The following PTPRN2 variants were observed in gnomAD, a reference collection of about 807,000 sequenced individuals.
PTPRN2 encodes the protein receptor-type tyrosine-protein phosphatase N2.
Under a neutral mutation model 118.8 loss-of-function variants are expected in PTPRN2, and 74 were observed. The observed-to-expected ratio is 0.62, with a 90% CI of 0.52 to 0.76. PTPRN2 has a LOEUF of 0.76. Ranked by LOEUF, PTPRN2 falls within the 30% of genes least tolerant of loss-of-function variation. The probability of loss-of-function intolerance (pLI) is 0.00; values close to 1 mark genes in which losing one functional copy is unlikely to be tolerated. For synonymous variants in PTPRN2, 641 were observed against 608.0 expected, an observed-to-expected ratio of 1.05 and a Z score of -0.80; for missense variants, 1,481 against 1,394.4, an observed-to-expected ratio of 1.06 and a Z score of -0.99.
intron 4 of PTPRN2, among the ~76,000 whole-genome samples, chr7:158,200,590 T>C (rs1826565302): frequency 6.6e-6 from 1 of 152,210 alleles, no homozygotes; most frequent in Non-Finnish European, 1.5e-5. Context: ...AAAGTCTGTA[T>C]CCTGCAAATA....
chr7:157,599,968 T>C (rs868775556), intron 16 of PTPRN2, among the ~76,000 whole-genome samples: 444 of 38,932 alleles, frequency 0.011, 3 homozygotes, highest in African/African-American at 0.027. Context: ...TCCACCTGCC[T>C]ACCTCTCCAC....
intron 2 of PTPRN2, among the ~76,000 whole-genome samples, chr7:158,363,904 G>A (rs1413396199): frequency 6.6e-6 from 1 of 152,128 alleles, no homozygotes; most frequent in Admixed American, 6.5e-5. Flanking sequence ...TGACAGAAAA[G>A]GGGACTTCAG....
intron 2 of PTPRN2, among the ~76,000 whole-genome samples, chr7:158,409,844 G>C (rs1341929499): frequency 3.3e-5 from 5 of 152,210 alleles, no homozygotes; most frequent in Non-Finnish European, 7.3e-5. Context: ...AAAGAGCTGA[G>C]AAGATGTGTT....
chr7:157,951,161 C>T (rs993395506), intron 11 of PTPRN2, among the ~76,000 whole-genome samples: 1 of 152,184 alleles, frequency 6.6e-6, no homozygotes, highest in Non-Finnish European at 1.5e-5. Flanking sequence ...GCCTCACTCT[C>T]AGAGACAAGG....
chr7:157,656,783 G>A (rs145626198), intron 13 of PTPRN2, among the ~76,000 whole-genome samples: 1 of 151,972 alleles, frequency 6.6e-6, no homozygotes, highest in Admixed American at 6.6e-5. Flanking sequence ...GAAAAGAGAG[G>A]CCTTGCTCTC....
intron 4 of PTPRN2, among the ~76,000 whole-genome samples, chr7:158,204,820 T>A (rs1826988117): frequency 6.6e-6 from 1 of 152,222 alleles, no homozygotes; most frequent in African/African-American, 2.4e-5. Flanking sequence ...TGATAAAGAC[T>A]TTCACAATTC....
At chr7:158,171,141 CAT>C (rs1264196948) in intron 5 of PTPRN2, among the ~76,000 whole-genome samples, 1,040 of 74,868 alleles carry the variant, frequency 0.014, 69 homozygotes, top group African/African-American at 0.035. Flanking sequence ...TATATACACA[CAT>C]ATATATACAC....
chr7:158,056,319 C>T (rs547822196), intron 11 of PTPRN2, among the ~76,000 whole-genome samples: 13 of 152,310 alleles, frequency 8.5e-5, no homozygotes, highest in East Asian at 5.8e-4. Flanking sequence ...ACACAGAGGC[C>T]GGGAGCAGGG....
chr7:157,669,430 C>T (rs1389619804), intron 13 of PTPRN2: 2 of 455,182 alleles, frequency 4.4e-6, no homozygotes, highest in African/African-American at 4.0e-5. Flanking sequence ...CACGCGCACA[C>T]ACACACACAC....
At chr7:158,226,457 T>G (rs1001987068) in intron 3 of PTPRN2, among the ~76,000 whole-genome samples, 1 of 152,166 alleles carries the variant, frequency 6.6e-6, no homozygotes, top group African/African-American at 2.4e-5. Context: ...TTCTGCAGGC[T>G]GAACTGTGTG....
chr7:158,584,279 C>G (rs1440471930), intron 1 of PTPRN2, among the ~76,000 whole-genome samples: 1 of 152,166 alleles, frequency 6.6e-6, no homozygotes, highest in Non-Finnish European at 1.5e-5. Flanking sequence ...GTTCACAAGT[C>G]AGCCTCCATG....
intron 11 of PTPRN2, among the ~76,000 whole-genome samples, chr7:157,906,378 T>C (rs1309168093): frequency 6.6e-6 from 1 of 152,242 alleles, no homozygotes; most frequent in Non-Finnish European, 1.5e-5. Context: ...TCACAATTCC[T>C]GTAAAGGAAT....
chr7:157,881,006 C>T lies in PTPRN2; in HGVS notation c.1788+17667G>A, dbSNP rs1001562632. Among the ~76,000 whole-genome samples the T allele has an allele frequency of 6.6e-5, 10 of 152,178 alleles. No individual in the cohort carries two copies. Among genetic ancestry groups the T allele is most frequent in the African/African-American group, 2.4e-4 (10 of 41,432 alleles). On this transcript the variant is annotated intron_variant, in intron 12 of 22. Coordinates refer to ENST00000389418, the MANE Select transcript of PTPRN2 (RefSeq NM_002847.5). The surrounding 1 kb of genome is among the most constrained non-coding windows in gnomAD (Gnocchi z 4.7). ...CAAAGTGCCTATGGGAAGCTCTAAT[C>T]CCAGAACTTCCGAATGTGACTGTAT...
At chr7:158,402,732 G>A (rs999445251) in intron 2 of PTPRN2, among the ~76,000 whole-genome samples, 41 of 152,284 alleles carry the variant, frequency 2.7e-4, no homozygotes, top group African/African-American at 8.9e-4. Context: ...CCCTGCGCCC[G>A]CCCTAGAGGG....
At chr7:157,852,585 C>T (rs1440065838) in intron 12 of PTPRN2, among the ~76,000 whole-genome samples, 4 of 152,122 alleles carry the variant, frequency 2.6e-5, no homozygotes, top group Admixed American at 6.5e-5. Flanking sequence ...TTAAAAAATA[C>T]ACTGGCCGGG....
At chr7:158,201,573 C>G (rs781639280) in intron 4 of PTPRN2, among the ~76,000 whole-genome samples, 2 of 152,136 alleles carry the variant, frequency 1.3e-5, no homozygotes, top group Non-Finnish European at 2.9e-5. Context: ...CCTTCCTTTC[C>G]AGATCCAGGA....
chr7:158,264,100 G>A (rs1014211191), intron 3 of PTPRN2, among the ~76,000 whole-genome samples: 1 of 152,212 alleles, frequency 6.6e-6, no homozygotes, highest in Non-Finnish European at 1.5e-5. Flanking sequence ...GTCACATGGT[G>A]AAAGTCCAAG....
intron 1 of PTPRN2, among the ~76,000 whole-genome samples, chr7:158,578,947 G>A (rs1200102893): frequency 1.3e-5 from 2 of 152,092 alleles, no homozygotes; most frequent in African/African-American, 4.8e-5. Flanking sequence ...ATTTTTAGTA[G>A]AGACGGGGTT....
chr7:157,728,419 C>T (rs561840621), intron 12 of PTPRN2, among the ~76,000 whole-genome samples: 2 of 152,368 alleles, frequency 1.3e-5, no homozygotes, highest in Admixed American at 1.3e-4. Flanking sequence ...GCTCCTGGCG[C>T]CCATGGCGGC....
Sources: allele counts gnomAD v4.1 joint callset (sites outside exome capture counted in the v4.1 genomes callset), GRCh38; gene constraint gnomAD v4.1.1; non-coding constraint Gnocchi (gnomAD v3.1); transcripts MANE v1.5; gene names NCBI Gene and HGNC (gene_info 2026-07-23, HGNC 2026-07-21).